Variants in MBOAT2 observed in about 807,000 individuals in gnomAD.
The protein encoded by MBOAT2 is membrane-bound glycerophospholipid O-acyltransferase 2.
Under a neutral mutation model 63.4 loss-of-function variants are expected in MBOAT2, and 28 were observed. The observed-to-expected ratio is 0.44, with a 90% CI of 0.33 to 0.61. The LOEUF is 0.61. Ranked by LOEUF, MBOAT2 falls within the 20% of genes least tolerant of loss-of-function variation. The probability of loss-of-function intolerance (pLI) is 0.03; values close to 1 mark genes in which losing one functional copy is unlikely to be tolerated. For synonymous variants in MBOAT2, 211 were observed against 215.6 expected (o/e 0.98, Z 0.19); for missense variants, 470 against 605.8 (o/e 0.78, Z 2.35).
intron 3 of MBOAT2, among the ~76,000 whole-genome samples, chr2:8,940,421 A>C (rs1054717472): frequency 1.1e-4 from 17 of 152,170 alleles, no homozygotes; most frequent in African/African-American, 3.4e-4. Context: ...GCTCCCGAGT[A>C]GCTGGGATTA....
chr2:8,884,281 A>T (rs1380763391), intron 5 of MBOAT2, among the ~76,000 whole-genome samples: 1 of 150,964 alleles, frequency 6.6e-6, no homozygotes, highest in Non-Finnish European at 1.5e-5. Flanking sequence ...TCGTATTTCC[A>T]ATTTGTATTT....
intron 4 of MBOAT2, among the ~76,000 whole-genome samples, chr2:8,900,961 T>C (rs1029977861): frequency 3.3e-5 from 5 of 152,112 alleles, no homozygotes; most frequent in Non-Finnish European, 5.9e-5. Flanking sequence ...CCCAATGGCT[T>C]AGGATGCATT....
Position 8,989,008 on chromosome 2 carries a change from T to A in MBOAT2, c.75+14532A>T, listed in dbSNP as rs535588873. 2.3e-3 allele frequency among the ~76,000 whole-genome samples: 351 copies of A among 152,348 alleles called. 4 individuals are homozygous for A. Among genetic ancestry groups the A allele is most frequent in the Middle Eastern group, 0.014 (4 of 294 alleles). On this transcript the variant is annotated intron_variant, in intron 1 of 12. Transcript: ENST00000305997. ...TTTAATAAGATAGTTCCTATTGTTT[T>A]GAATCTATGGAGGGAAACAAATGTT...
At chr2:8,879,301 C>G (rs1172618927) in intron 6 of MBOAT2, among the ~76,000 whole-genome samples, 3 of 152,132 alleles carry the variant, frequency 2.0e-5, no homozygotes, top group African/African-American at 7.2e-5. Flanking sequence ...ATTCTCAATA[C>G]CAATTATTTT....
intron 1 of MBOAT2, among the ~76,000 whole-genome samples, chr2:8,989,861 AT>A (rs1671805716): frequency 6.6e-6 from 1 of 152,204 alleles, no homozygotes; most frequent in East Asian, 1.9e-4. Flanking sequence ...ATAAAACTTT[AT>A]TTCACACAAG....
chr2:8,960,862 ACT>A (rs1235010455), intron 1 of MBOAT2, among the ~76,000 whole-genome samples: 1 of 152,202 alleles, frequency 6.6e-6, no homozygotes, highest in East Asian at 1.9e-4. Context: ...TGTGAGAAGC[ACT>A]CTGTTGGACA....
chr2:8,872,658 C>T (rs531923881), intron 8 of MBOAT2, among the ~76,000 whole-genome samples: 1 of 152,292 alleles, frequency 6.6e-6, no homozygotes, highest in South Asian at 2.1e-4. Context: ...AACTGATGAC[C>T]CCCTATCAAT....
At chr2:8,942,044 T>C (rs548740154) in intron 3 of MBOAT2, among the ~76,000 whole-genome samples, 1 of 152,260 alleles carries the variant, frequency 6.6e-6, no homozygotes, top group South Asian at 2.1e-4. Flanking sequence ...CCTATAAAAA[T>C]TGCTTCATCT....
In MBOAT2 at chr2:8,865,701, T is replaced by G. The variant is rs74203090; in HGVS notation, c.988-1467A>C. Reference sequence around the variant, plus strand: ...ATGAACTCCTAGGAGTTGTGTAATCTGGCCTTTATGCCAATCCCTCTCCTG... The same window carrying G: ...ATGAACTCCTAGGAGTTGTGTAATCGGGCCTTTATGCCAATCCCTCTCCTG... On this transcript the variant is annotated intron_variant, in intron 9 of 12. Transcript: ENST00000305997. Among the ~76,000 whole-genome samples the G allele has an allele frequency of 2.8e-4, 43 of 152,368 alleles. No individual in the cohort carries two copies. The East Asian group carries it at 8.3e-3, about 29-fold the overall frequency.
At chr2:8,910,166 AAGAC>A (rs1320704505) in intron 3 of MBOAT2, among the ~76,000 whole-genome samples, 2 of 151,590 alleles carry the variant, frequency 1.3e-5, no homozygotes, top group Admixed American at 6.6e-5. Context: ...GATCCAGAGA[AAGAC>A]AGAGAGAGAG....
chr2:8,900,218 C>T (rs1432473204), intron 4 of MBOAT2, among the ~76,000 whole-genome samples: 1 of 152,156 alleles, frequency 6.6e-6, no homozygotes, highest in Non-Finnish European at 1.5e-5. Context: ...GAGATCCATA[C>T]TGGGGATGGC....
In MBOAT2 at chr2:8,853,568, A is replaced by G; in HGVS notation, c.*5111T>C. On this transcript the variant is annotated 3_prime_UTR_variant, in exon 13 of 13. Transcript: ENST00000305997. ...TTCCCATTTCAAACATGTTACTAAGAAACTGCCTAGTCATTTTACTTATGT... is the reference window on the plus strand; with the variant it reads ...TTCCCATTTCAAACATGTTACTAAGGAACTGCCTAGTCATTTTACTTATGT... The G allele has an allele frequency of 6.6e-6, 1 of 152,216 alleles. No homozygotes were observed. Among genetic ancestry groups the G allele is most frequent in the East Asian group, 1.9e-4 (1 of 5,204 alleles). 9.4% of individuals were successfully genotyped at this position (152,216 alleles called of 1,614,324 possible).
intron 3 of MBOAT2, among the ~76,000 whole-genome samples, chr2:8,909,614 T>C (rs568221484): frequency 6.6e-6 from 1 of 152,324 alleles, no homozygotes; most frequent in Non-Finnish European, 1.5e-5. Flanking sequence ...AAAATCTTTG[T>C]CATGTAGGCA....
In MBOAT2 at chr2:9,003,402, TC is replaced by T. The variant is rs1429552094; in HGVS notation, c.75+137del. ...ATAACCGGCTTGTTGCCCCCTCCCT[TC>T]CAGGGAGCGGCGGGTAGGGGGGCAC... On this transcript the variant is annotated intron_variant, in intron 1 of 12. Coordinates refer to ENST00000305997, the MANE Select transcript of MBOAT2 (RefSeq NM_138799.4). The surrounding 1 kb of genome is among the most constrained non-coding windows in gnomAD (Gnocchi z 5.4). The T allele has an allele frequency of 8.2e-6, 3 of 364,228 alleles. No individual in the cohort carries two copies. Among genetic ancestry groups the T allele is most frequent in the African/African-American group, 4.4e-5 (2 of 45,562 alleles). 22.6% of individuals were successfully genotyped at this position (364,228 alleles called of 1,614,324 possible).
intron 1 of MBOAT2, among the ~76,000 whole-genome samples, chr2:8,967,339 C>T (rs565905801): frequency 2.0e-5 from 3 of 152,248 alleles, no homozygotes; most frequent in South Asian, 2.1e-4. Flanking sequence ...TTAACAGTAA[C>T]ACTATGTACT....
At chr2:8,950,489 G>A (rs536368309) in intron 2 of MBOAT2, among the ~76,000 whole-genome samples, 132 of 152,130 alleles carry the variant, frequency 8.7e-4, no homozygotes, top group African/African-American at 2.6e-3. Context: ...GTGCAGTGGC[G>A]CGATCTCAGC....
chr2:8,994,723 T>C (rs1397233804), intron 1 of MBOAT2, among the ~76,000 whole-genome samples: 5 of 152,104 alleles, frequency 3.3e-5, no homozygotes, highest in Admixed American at 2.6e-4. Context: ...TGCACGAACA[T>C]ATCATGCATG....
chr2:8,872,362 C>G (rs556388741), intron 8 of MBOAT2, among the ~76,000 whole-genome samples: 3 of 152,338 alleles, frequency 2.0e-5, no homozygotes, highest in African/African-American at 7.2e-5. Context: ...ATTGCAGCCA[C>G]AAACTCCTAG....
intron 11 of MBOAT2, among the ~76,000 whole-genome samples, chr2:8,861,806 T>G (rs1253357773): frequency 1.3e-5 from 2 of 152,116 alleles, no homozygotes; most frequent in African/African-American, 4.8e-5. Context: ...CACACACACA[T>G]GCATAAGGTA....
Sources: gnomAD v4.1 joint callset for allele counts (sites outside exome capture counted in the v4.1 genomes callset) on GRCh38, gnomAD v4.1.1 for gene constraint, Gnocchi (gnomAD v3.1) non-coding constraint, MANE v1.5 for transcripts, NCBI Gene and HGNC (gene_info 2026-07-23, HGNC 2026-07-21) for gene names.